The following PPP2R2A variants were observed in gnomAD, a reference collection of about 807,000 sequenced individuals.
PPP2R2A encodes serine/threonine-protein phosphatase 2A 55 kDa regulatory subunit B alpha isoform.
A neutral mutation model predicts 53.2 loss-of-function variants in PPP2R2A; 9 were observed. That is an observed-to-expected ratio of 0.17 (90% CI 0.10 to 0.30). PPP2R2A has a LOEUF of 0.30. Among genes scored for constraint, PPP2R2A ranks in the 10% least tolerant of loss-of-function variants. The probability of loss-of-function intolerance (pLI) is 1.00; values close to 1 mark genes in which losing one functional copy is unlikely to be tolerated. For missense variants in PPP2R2A, 235 were observed against 534.6 expected, an observed-to-expected ratio of 0.44 and a Z score of 5.53; for synonymous variants, 169 against 174.2, an observed-to-expected ratio of 0.97 and a Z score of 0.23.
chr8:26,325,363 C>T (rs548847359), intron 2 of PPP2R2A, among the ~76,000 whole-genome samples: 3 of 152,094 alleles, frequency 2.0e-5, no homozygotes, highest in Non-Finnish European at 4.4e-5. Context: ...CTCTTGCCGC[C>T]GCCATGTAAG....
chr8:26,293,272 C>A (rs747788829), intron 1 of PPP2R2A: 1 of 1,534,804 alleles, frequency 6.5e-7, no homozygotes, highest in South Asian at 1.2e-5. Flanking sequence ...TCTCTTCGTT[C>A]TATGTTTCAT....
intron 2 of PPP2R2A, among the ~76,000 whole-genome samples, chr8:26,308,202 G>T (rs964432823): frequency 5.3e-5 from 8 of 152,246 alleles, no homozygotes; most frequent in African/African-American, 1.9e-4. Flanking sequence ...TGCCAGTAGA[G>T]GATCTTATCT....
chr8:26,346,265 CGAG>C lies in PPP2R2A; in HGVS notation c.180+7279_180+7281del, dbSNP rs1165197561. Among the ~76,000 whole-genome samples, 3 of 151,970 alleles carry C rather than the reference CGAG, an allele frequency of 2.0e-5. 1 individual carries two copies. Among genetic ancestry groups the C allele is most frequent in the Admixed American group, 2.0e-4 (3 of 15,256 alleles). On this transcript the variant is annotated intron_variant, in intron 3 of 9. Coordinates refer to ENST00000380737, the MANE Select transcript of PPP2R2A (RefSeq NM_002717.4). The stretch of plus-strand genomic sequence containing the variant: ...AAGTCATCCTTATGCCTCAGCCTCC[CGAG>C]TAGCTGGGATTACAGACGTGCACCA...
intron 9 of PPP2R2A, among the ~76,000 whole-genome samples, chr8:26,367,208 T>A (rs1260738948): frequency 1.3e-5 from 2 of 152,210 alleles, no homozygotes; most frequent in Non-Finnish European, 2.9e-5. Context: ...ATCTGATTTT[T>A]GACATAAGGA....
chr8:26,371,401 G>GTC lies in PPP2R2A; in HGVS notation c.*992_*993dup, dbSNP rs1466648163. The GTC allele has an allele frequency of 7.0e-6, 1 of 141,956 alleles. No homozygotes were observed. Among genetic ancestry groups the GTC allele is most frequent in the African/African-American group, 2.6e-5 (1 of 38,402 alleles). The allele number at this position is 141,956 out of a possible 1,614,324, so 8.8% of individuals were successfully genotyped here. A position where few individuals can be genotyped will look rare whatever the true frequency, so the allele number is the denominator to read the frequency against. The stretch of plus-strand genomic sequence containing the variant: ...ATCATGAGGGTATTGGATACATTGT[G>GTC]TCTCTATTTAACTCATTATGTGTTA... On this transcript the variant is annotated 3_prime_UTR_variant, in exon 10 of 10. Transcript: ENST00000380737.
Position 26,316,445 on chromosome 8 carries a change from G to A in PPP2R2A, c.83-22445G>A, listed in dbSNP as rs868453487. 7.9e-5 allele frequency among the ~76,000 whole-genome samples: 12 copies of A among 152,282 alleles called. No individual in the cohort carries two copies. In the East Asian group the frequency reaches 2.1e-3, roughly 27 times the overall value. ...GGCATGAAGCAGTCAGCCAAAAGCCGTGAGGTTTTAAAGAACTTAATATAT... is the reference window on the plus strand; with the variant it reads ...GGCATGAAGCAGTCAGCCAAAAGCCATGAGGTTTTAAAGAACTTAATATAT... On this transcript the variant is annotated intron_variant, in intron 2 of 9. Transcript: ENST00000380737.
At chr8:26,335,954 G>C (rs1803637276) in intron 2 of PPP2R2A, among the ~76,000 whole-genome samples, 1 of 152,258 alleles carries the variant, frequency 6.6e-6, no homozygotes, top group African/African-American at 2.4e-5. Context: ...TCTTGTTTCT[G>C]TTGCATCTTG....
At position 26,338,200 on chromosome 8, in the gene PPP2R2A, C is replaced by G. The variant is rs142096252; in HGVS notation, c.83-690C>G. 6.8e-3 allele frequency among the ~76,000 whole-genome samples: 1,038 copies of G among 152,206 alleles called. 13 individuals are homozygous for G. Among genetic ancestry groups the G allele is most frequent in the African/African-American group, 0.023 (975 of 41,510 alleles). The stretch of plus-strand genomic sequence containing the variant: ...GACTTTTTTTCTTAGGAAAAGGGCT[C>G]TAGTGTGAAAAACCAAGAAAAAAAA... On this transcript the variant is annotated intron_variant, in intron 2 of 9. Transcript: ENST00000380737. This position sits in a 1 kb window ranked among gnomAD's most constrained non-coding sequence, Gnocchi z 4.5.
intron 2 of PPP2R2A, among the ~76,000 whole-genome samples, chr8:26,330,227 AT>A (rs1392180364): frequency 6.6e-6 from 1 of 151,864 alleles, no homozygotes; most frequent in Non-Finnish European, 1.5e-5. Context: ...TTCACTTCAA[AT>A]AGTATGTTTT....
At chr8:26,332,757 T>A (rs373345350) in intron 2 of PPP2R2A, among the ~76,000 whole-genome samples, 1 of 152,212 alleles carries the variant, frequency 6.6e-6, no homozygotes, top group Non-Finnish European at 1.5e-5. Context: ...CATTAATAAG[T>A]AGTATAAAGT....
chr8:26,331,128 T>C (rs1803352346), intron 2 of PPP2R2A, among the ~76,000 whole-genome samples: 1 of 152,190 alleles, frequency 6.6e-6, no homozygotes, highest in Admixed American at 6.5e-5. Context: ...ACTCTGCCTT[T>C]ACGTTGTAGC....
chr8:26,313,532 A>G (rs927761580), intron 2 of PPP2R2A, among the ~76,000 whole-genome samples: 1 of 152,166 alleles, frequency 6.6e-6, no homozygotes, highest in Admixed American at 6.5e-5. Context: ...CCCGAAAGAA[A>G]TCTGCGTCCT....
At chr8:26,304,301 A>C (rs1411185237) in intron 2 of PPP2R2A, among the ~76,000 whole-genome samples, 2 of 151,994 alleles carry the variant, frequency 1.3e-5, no homozygotes, top group Non-Finnish European at 2.9e-5. Flanking sequence ...TCCTTTATTA[A>C]AAACTGTCTC....
intron 2 of PPP2R2A, chr8:26,333,492 T>TA: frequency 8.1e-7 from 1 of 1,227,410 alleles, no homozygotes; most frequent in Non-Finnish European, 1.1e-6. Flanking sequence ...TCAGATCACT[T>TA]ATTTGAGACA....
chr8:26,308,857 AAT>A (rs148077226), intron 2 of PPP2R2A, among the ~76,000 whole-genome samples: 30 of 149,236 alleles, frequency 2.0e-4, no homozygotes, highest in Admixed American at 2.7e-4. Flanking sequence ...AGCCTTACAA[AAT>A]ATATATATAT....
intron 2 of PPP2R2A, among the ~76,000 whole-genome samples, chr8:26,298,288 C>T (rs1585319954): frequency 6.6e-6 from 1 of 152,170 alleles, no homozygotes; most frequent in Non-Finnish European, 1.5e-5. Flanking sequence ...AGTCCCCTAC[C>T]TCCCCACTCC....
At chr8:26,363,606 C>A in intron 7 of PPP2R2A, 115 bp from the exon 8 acceptor site, 1 of 882,336 alleles carries the variant, frequency 1.1e-6, no homozygotes, top group Non-Finnish European at 1.6e-6. Flanking sequence ...TCTTTATTAG[C>A]CTGGCATTTT....
chr8:26,350,092 T>G (rs779612168), intron 3 of PPP2R2A, among the ~76,000 whole-genome samples: 5 of 152,158 alleles, frequency 3.3e-5, no homozygotes, highest in African/African-American at 7.2e-5. Context: ...AGACGAAGTC[T>G]TCTTGCTTTG....
intron 2 of PPP2R2A, among the ~76,000 whole-genome samples, chr8:26,317,550 A>G (rs1208120736): frequency 6.6e-6 from 1 of 152,194 alleles, no homozygotes; most frequent in African/African-American, 2.4e-5. Flanking sequence ...TCTCATTTTA[A>G]AATATATGAT....
Sources: allele counts gnomAD v4.1 joint callset (sites outside exome capture counted in the v4.1 genomes callset), GRCh38; gene constraint gnomAD v4.1.1; non-coding constraint Gnocchi (gnomAD v3.1); transcripts MANE v1.5; gene names NCBI Gene and HGNC (gene_info 2026-07-23, HGNC 2026-07-21).